The following NRXN3 variants were observed in gnomAD, a reference collection of about 807,000 sequenced individuals.
NRXN3 encodes neurexin III.
In NRXN3, 32 loss-of-function variants were observed where a neutral mutation model predicts 137.6. That is an observed-to-expected ratio of 0.23 (90% CI 0.18 to 0.31). NRXN3 has a LOEUF of 0.31. Ranked by LOEUF, NRXN3 falls within the 10% of genes least tolerant of loss-of-function variation. NRXN3 has a pLI of 1.00. For missense variants in NRXN3, 1,574 were observed against 2,062.5 expected (o/e 0.76, Z 4.59); for synonymous variants, 798 against 784.5 (o/e 1.02, Z -0.29).
intron 15 of NRXN3, among the ~76,000 whole-genome samples, chr14:79,257,547 G>A (rs1028576262): frequency 2.9e-4 from 24 of 84,052 alleles, no homozygotes; most frequent in South Asian, 4.5e-4. Context: ...GGTGGTGGTG[G>A]TGGTGGTGGT....
chr14:78,857,487 C>T (rs1247748193), intron 10 of NRXN3, among the ~76,000 whole-genome samples: 1 of 152,006 alleles, frequency 6.6e-6, no homozygotes, highest in East Asian at 1.9e-4. Context: ...TAAAGAAATC[C>T]AAGCTTTCTG....
At chr14:79,588,887 T>C (rs2097781504) in intron 16 of NRXN3, among the ~76,000 whole-genome samples, 2 of 152,202 alleles carry the variant, frequency 1.3e-5, no homozygotes, top group East Asian at 1.9e-4. Flanking sequence ...GGAAGATAGA[T>C]AGGGTATCCA....
chr14:78,862,471 A>AT (rs917182155), intron 10 of NRXN3, among the ~76,000 whole-genome samples: 1 of 152,072 alleles, frequency 6.6e-6, no homozygotes, highest in African/African-American at 2.4e-5. Context: ...TCCCTATAAG[A>AT]TTTTTTAGGA....
chr14:78,842,023 CA>C (rs1444245571), intron 10 of NRXN3, among the ~76,000 whole-genome samples: 1 of 152,122 alleles, frequency 6.6e-6, no homozygotes, highest in African/African-American at 2.4e-5. Flanking sequence ...ACCATAACAG[CA>C]ACAACCTCTT....
At chr14:78,591,835 G>A (rs545540263) in intron 4 of NRXN3, among the ~76,000 whole-genome samples, 1 of 152,142 alleles carries the variant, frequency 6.6e-6, no homozygotes, top group Non-Finnish European at 1.5e-5. Context: ...TTGCGCCATC[G>A]CCATTACTCT....
At chr14:79,487,054 C>A (rs2096664080) in intron 16 of NRXN3, among the ~76,000 whole-genome samples, 1 of 151,632 alleles carries the variant, frequency 6.6e-6, no homozygotes, top group South Asian at 2.1e-4. Flanking sequence ...AGCCAGATTG[C>A]CTGGGTTCAA....
At chr14:79,274,578 C>A (rs188893479) in intron 15 of NRXN3, among the ~76,000 whole-genome samples, 52 of 151,214 alleles carry the variant, frequency 3.4e-4, no homozygotes, top group African/African-American at 1.2e-3. Flanking sequence ...ATGCCCAAAT[C>A]TCTCTATGAG....
At chr14:79,340,810 C>A (rs903166729) in intron 15 of NRXN3, among the ~76,000 whole-genome samples, 1 of 152,122 alleles carries the variant, frequency 6.6e-6, no homozygotes, top group Non-Finnish European at 1.5e-5. Flanking sequence ...GATAATTTTT[C>A]CTTTTCTGTA....
intron 15 of NRXN3, among the ~76,000 whole-genome samples, chr14:79,242,700 G>A (rs2074500136): frequency 6.6e-6 from 1 of 152,112 alleles, no homozygotes. Context: ...ATTAGGAAGT[G>A]TGAGGCAGAC....
chr14:79,028,791 T>C (rs1477686661), intron 15 of NRXN3, among the ~76,000 whole-genome samples: 2 of 152,128 alleles, frequency 1.3e-5, no homozygotes, highest in African/African-American at 4.8e-5. Context: ...TTTGAATTAA[T>C]CCATTGATCC....
intron 19 of NRXN3, among the ~76,000 whole-genome samples, chr14:79,777,483 A>T (rs1392260926): frequency 1.3e-5 from 2 of 152,130 alleles, no homozygotes; most frequent in East Asian, 3.9e-4. Flanking sequence ...TTCTAAAAAA[A>T]AAAAAAGGTT....
intron 15 of NRXN3, among the ~76,000 whole-genome samples, chr14:79,452,253 G>A (rs1309766889): frequency 6.6e-6 from 1 of 152,064 alleles, no homozygotes; most frequent in Non-Finnish European, 1.5e-5. Context: ...ATTTAAATAT[G>A]GCAGGTGCTT....
chr14:78,695,900 G>A (rs2098220871), intron 6 of NRXN3: 1 of 152,084 alleles, frequency 6.6e-6, no homozygotes, highest in Admixed American at 6.6e-5. Context: ...GTTTGAATTA[G>A]GGAACTTCAG....
At chr14:79,550,903 T>C (rs1327966753) in intron 16 of NRXN3, among the ~76,000 whole-genome samples, 1 of 152,186 alleles carries the variant, frequency 6.6e-6, no homozygotes, top group Non-Finnish European at 1.5e-5. Flanking sequence ...TTATACATGG[T>C]ATGAAATGAG....
chr14:78,182,879 C>T (rs12896828), intron 1 of NRXN3, among the ~76,000 whole-genome samples: 42,839 of 152,112 alleles, frequency 0.28, 7,420 homozygotes, highest in Middle Eastern at 0.42. Context: ...CAGTGACTTT[C>T]GATAGGAAGC....
chr14:79,222,647 T>C (rs939977819), intron 15 of NRXN3, among the ~76,000 whole-genome samples: 1 of 152,168 alleles, frequency 6.6e-6, no homozygotes, highest in Admixed American at 6.6e-5. Context: ...CCACAATCTA[T>C]AGATGAGACT....
At chr14:79,765,379 G>A (rs1345352701) in intron 19 of NRXN3, among the ~76,000 whole-genome samples, 1 of 152,132 alleles carries the variant, frequency 6.6e-6, no homozygotes, top group African/African-American at 2.4e-5. Flanking sequence ...TCTTTCAATG[G>A]AACAATTTTT....
At chr14:79,768,775 A>G (rs1192413268) in intron 19 of NRXN3, among the ~76,000 whole-genome samples, 2 of 152,244 alleles carry the variant, frequency 1.3e-5, no homozygotes, top group East Asian at 3.9e-4. Flanking sequence ...TGGACAGAGA[A>G]TGACTTTGAC....
intron 16 of NRXN3, among the ~76,000 whole-genome samples, chr14:79,635,101 A>C (rs2098393433): frequency 6.6e-6 from 1 of 152,322 alleles, no homozygotes; most frequent in Non-Finnish European, 1.5e-5. Flanking sequence ...AGAAATGACA[A>C]GTGTTAGAGG....
Sources: gnomAD v4.1 joint callset for allele counts (sites outside exome capture counted in the v4.1 genomes callset) on GRCh38, gnomAD v4.1.1 for gene constraint, MANE v1.5 for transcripts, NCBI Gene and HGNC (gene_info 2026-07-23, HGNC 2026-07-21) for gene names.